The following RABGEF1 variants were observed in gnomAD, a reference collection of about 807,000 sequenced individuals.
RABGEF1 encodes rab5 GDP/GTP exchange factor.
A neutral mutation model predicts 57.3 loss-of-function variants in RABGEF1; 26 were observed. That is an observed-to-expected ratio of 0.45 (90% CI 0.33 to 0.63). RABGEF1 has a LOEUF of 0.63. Ranked by LOEUF, RABGEF1 falls within the 20% of genes least tolerant of loss-of-function variation. The pLI is 0.02. For synonymous variants in RABGEF1, 185 were observed against 210.7 expected, an observed-to-expected ratio of 0.88 and a Z score of 1.06; for missense variants, 464 against 607.6, an observed-to-expected ratio of 0.76 and a Z score of 2.48.
intron 1 of RABGEF1, among the ~76,000 whole-genome samples, chr7:66,704,974 A>G (rs753921396): frequency 1.2e-4 from 19 of 152,184 alleles, no homozygotes; most frequent in African/African-American, 2.4e-5. Flanking sequence ...TTGCATTCCC[A>G]CCAGCAATAG....
chr7:66,660,896 T>C, the RABGEF1 span, among the ~76,000 whole-genome samples: 17 of 152,256 alleles, frequency 1.1e-4, no homozygotes, highest in African/African-American at 3.6e-4. Context: ...TGACCAATAT[T>C]GCTTATGAAC....
intron 3 of RABGEF1, among the ~76,000 whole-genome samples, chr7:66,777,657 C>T (rs1257447308): frequency 2.0e-5 from 3 of 152,094 alleles, no homozygotes; most frequent in African/African-American, 4.8e-5. Context: ...GGTGCAGTGG[C>T]TTCTACCTAC....
chr7:66,691,770 A>G (rs1774489299), intron 1 of RABGEF1, among the ~76,000 whole-genome samples: 1 of 152,138 alleles, frequency 6.6e-6, no homozygotes, highest in Non-Finnish European at 1.5e-5. Flanking sequence ...AGGCTAAGCT[A>G]AGGCTTGGCA....
chr7:66,732,920 G>C (rs1797508304), intron 2 of RABGEF1, among the ~76,000 whole-genome samples: 1 of 152,152 alleles, frequency 6.6e-6, no homozygotes, highest in African/African-American at 2.4e-5. Flanking sequence ...GGCTCGCCCT[G>C]CTTCTCTAAA....
chr7:66,779,763 G>A (rs1359472042), intron 3 of RABGEF1, among the ~76,000 whole-genome samples: 4 of 151,172 alleles, frequency 2.6e-5, no homozygotes, highest in Non-Finnish European at 4.4e-5. Context: ...ATTATGAACT[G>A]TAACGTGGAT....
At chr7:66,774,458 C>CG (rs1431705494) in intron 2 of RABGEF1, among the ~76,000 whole-genome samples, 1 of 152,188 alleles carries the variant, frequency 6.6e-6, no homozygotes, top group African/African-American at 2.4e-5. Context: ...ATTCCCTACC[C>CG]TCTGGAGCCT....
At chr7:66,721,391 G>C (rs1249494781) in intron 2 of RABGEF1, among the ~76,000 whole-genome samples, 1 of 152,164 alleles carries the variant, frequency 6.6e-6, no homozygotes, top group African/African-American at 2.4e-5. Context: ...CAGTCTGTCT[G>C]AAATCAAGAT....
chr7:66,747,473 A>G (rs1030512166), intron 1 of RABGEF1, among the ~76,000 whole-genome samples: 2 of 152,326 alleles, frequency 1.3e-5, no homozygotes, highest in Middle Eastern at 3.4e-3. Context: ...TTCAGTTCCC[A>G]TTCAAAATAA....
chr7:66,711,572 A>G (rs1794783462), intron 1 of RABGEF1, among the ~76,000 whole-genome samples: 2 of 151,512 alleles, frequency 1.3e-5, no homozygotes, highest in South Asian at 2.1e-4. Context: ...CTGTGGGTCT[A>G]TTTGTATACT....
rs572721828 is a variant in RABGEF1 at position 66,803,686 on chromosome 7, C to T, written c.821-1454C>T. Among the ~76,000 whole-genome samples the T allele has an allele frequency of 1.4e-4, 22 of 152,048 alleles. No homozygotes were observed. The East Asian group carries it at 1.7e-3, about 12-fold the overall frequency. The stretch of plus-strand genomic sequence containing the variant: ...TGGGCGGATCACGAGGTCAGGAGTT[C>T]GAGACCAGCCTGGCCAATATGGTGA... On this transcript the variant is annotated intron_variant, in intron 7 of 8. Transcript: ENST00000284957.
At chr7:66,739,713 G>C (rs1404548106), upstream of RABGEF1, 1 of 144,526 alleles carries the variant, frequency 6.9e-6, no homozygotes, top group East Asian at 2.0e-4. Context: ...ACCTGTCCAA[G>C]AACACTACAG....
At chr7:66,685,369 G>A (rs916831043) in intron 1 of RABGEF1, among the ~76,000 whole-genome samples, 5 of 152,054 alleles carry the variant, frequency 3.3e-5, no homozygotes, top group African/African-American at 9.7e-5. Flanking sequence ...GATGTTTGAA[G>A]TGAGGCCAGG....
the RABGEF1 span, among the ~76,000 whole-genome samples, chr7:66,657,924 C>A: frequency 1.3e-5 from 2 of 152,098 alleles, no homozygotes; most frequent in Admixed American, 6.6e-5. Flanking sequence ...TAACCCCAAC[C>A]TAGCAGAATA....
chr7:66,685,869 A>G (rs1413584286), intron 1 of RABGEF1, among the ~76,000 whole-genome samples: 2 of 152,186 alleles, frequency 1.3e-5, no homozygotes, highest in African/African-American at 4.8e-5. Flanking sequence ...CTGCAGAGCA[A>G]ACATCTCTAG....
At chr7:66,659,803 A>G in the RABGEF1 span, among the ~76,000 whole-genome samples, 76 of 151,970 alleles carry the variant, frequency 5.0e-4, no homozygotes, top group African/African-American at 1.7e-3. Flanking sequence ...AATAAAAATA[A>G]AAAATAAAAG....
At chr7:66,743,921 G>A (rs1216063051) in intron 1 of RABGEF1, among the ~76,000 whole-genome samples, 1 of 152,098 alleles carries the variant, frequency 6.6e-6, no homozygotes, top group African/African-American at 2.4e-5. Flanking sequence ...ATGAGCCACT[G>A]CACCCGGCCC....
chr7:66,737,051 G>GGAGAGAGAGA, upstream of RABGEF1, among the ~76,000 whole-genome samples: 1 of 124,918 alleles, frequency 8.0e-6, no homozygotes, highest in Non-Finnish European at 1.7e-5. Context: ...ATATGAGGGG[G>GGAGAGAGAGA]GAGAGAGAGA....
In RABGEF1 at chr7:66,785,702, G is replaced by T. The variant is rs529792044; in HGVS notation, c.513+1861G>T. Among the ~76,000 whole-genome samples, 16 of 152,248 alleles carry T rather than the reference G, an allele frequency of 1.1e-4. No individual in the cohort carries two copies. In the South Asian group the frequency reaches 3.3e-3, roughly 32 times the overall value. ...ATCCTGGCTATCACGGTGAAACCTTGTCTCTACTAAAAATACAAAAAATTA... is the reference window on the plus strand; with the variant it reads ...ATCCTGGCTATCACGGTGAAACCTTTTCTCTACTAAAAATACAAAAAATTA... On this transcript the variant is annotated intron_variant, in intron 4 of 8. Transcript: ENST00000284957.
intron 1 of RABGEF1, among the ~76,000 whole-genome samples, chr7:66,771,136 T>A (rs965475782): frequency 3.9e-4 from 60 of 152,084 alleles, no homozygotes; most frequent in African/African-American, 1.4e-3. Flanking sequence ...ATTTAATTTT[T>A]AAAAATTTTT....
Sources: allele counts gnomAD v4.1 joint callset (sites outside exome capture counted in the v4.1 genomes callset), GRCh38; gene constraint gnomAD v4.1.1; transcripts MANE v1.5; gene names NCBI Gene and HGNC (gene_info 2026-07-23, HGNC 2026-07-21).